SYNC: variants seen among roughly 807,000 people sequenced by gnomAD.
SYNC encodes the protein syncoilin.
SYNC carries 38 observed loss-of-function variants against 49.5 expected under a neutral mutation model. The observed-to-expected ratio is 0.77, with a 90% CI of 0.59 to 1.01. The LOEUF is 1.01. Ranked by LOEUF, SYNC falls within the 50% of genes least tolerant of loss-of-function variation. The pLI is 0.00. For synonymous variants in SYNC, 201 were observed against 230.8 expected, an observed-to-expected ratio of 0.87 and a Z score of 1.17; for missense variants, 579 against 580.6, an observed-to-expected ratio of 1.00 and a Z score of 0.03.
At chr1:32,688,188 TCAAG>T (rs1459151442) in intron 2 of SYNC, among the ~76,000 whole-genome samples, 1 of 152,108 alleles carries the variant, frequency 6.6e-6, no homozygotes, top group East Asian at 1.9e-4. Flanking sequence ...GAGTATGGAC[TCAAG>T]CTAGATTGTT....
At chr1:32,691,502 G>A (rs146388236) in intron 2 of SYNC, among the ~76,000 whole-genome samples, 2,185 of 149,184 alleles carry the variant, frequency 0.015, 35 homozygotes, top group African/African-American at 0.036. Context: ...GCAGCAAGGC[G>A]AGATCGTGCC....
chr1:32,698,401 C>T (rs1474880479), intron 1 of SYNC, among the ~76,000 whole-genome samples: 1 of 152,064 alleles, frequency 6.6e-6, no homozygotes, highest in Non-Finnish European at 1.5e-5. Context: ...CACCTGTAGT[C>T]CCAGCTACTC....
At chr1:32,682,001 T>C in intron 4 of SYNC, 141 bp from the exon 5 acceptor site, 1 of 705,728 alleles carries the variant, frequency 1.4e-6, no homozygotes, top group Non-Finnish European at 2.5e-6. Context: ...GGATGCCTCC[T>C]GTTTGTCAAA....
At chr1:32,689,001 C>T (rs2148552640) in intron 2 of SYNC, among the ~76,000 whole-genome samples, 1 of 151,828 alleles carries the variant, frequency 6.6e-6, no homozygotes, top group East Asian at 2.0e-4. Context: ...TGCAGTGGCG[C>T]AGTCTCGGCT....
intron 1 of SYNC, among the ~76,000 whole-genome samples, chr1:32,697,116 C>G (rs1650467202): frequency 6.6e-6 from 1 of 152,056 alleles, no homozygotes; most frequent in African/African-American, 2.4e-5. Context: ...TTTCTACCTT[C>G]TTTTCTGTGT....
rs940948535 is a variant in SYNC, at chr1:32,695,134, G to A, written c.964C>T (p.Arg322Trp). The change falls in exon 2 of 5, where the codon CGG (arginine) becomes TGG (tryptophan). Residue 322 changes from arginine to tryptophan, a missense_variant. Physicochemically the swap from Arg to Trp is moderately radical, Grantham distance 101. Coordinates refer to ENST00000409190, the MANE Select transcript of SYNC (RefSeq NM_030786.3). ...QRDGHFLQES[R>W]RLSAQFENLM... ...TTTTCAAACTGGGCAGAGAGTCGCC[G>A]GCTTTCCTGGAGAAAGTGCCCATCC... 6.8e-6 allele frequency: 11 copies of A among 1,607,970 alleles called. No individual in the cohort carries two copies. Among genetic ancestry groups the A allele is most frequent in the Admixed American group, 5.1e-5 (3 of 58,710 alleles).
At chr1:32,698,288 G>T (rs1242789524) in intron 1 of SYNC, among the ~76,000 whole-genome samples, 2 of 151,668 alleles carry the variant, frequency 1.3e-5, no homozygotes. Context: ...GGAGGCTGAG[G>T]CAGGCGGATC....
chr1:32,699,022 C>T (rs994987974), intron 1 of SYNC, among the ~76,000 whole-genome samples: 24 of 152,012 alleles, frequency 1.6e-4, no homozygotes, highest in Non-Finnish European at 5.9e-5. Context: ...TCAAGCGATC[C>T]TCCTACCTAG....
chr1:32,687,864 T>TTATTATTATTATTATTATTATTA (rs1557871719), intron 2 of SYNC, among the ~76,000 whole-genome samples: 8 of 3,728 alleles, frequency 2.1e-3, no homozygotes, highest in African/African-American at 3.1e-3. Flanking sequence ...TATTATTATT[T>TTATTATTATTATTATTATTATTA]TTTGAGATGG....
At position 32,702,424 on chromosome 1, in the gene SYNC, G is replaced by A. The variant is rs908771244; in HGVS notation, c.53+184C>T. Among the ~76,000 whole-genome samples, 1 of 152,182 alleles carries A rather than the reference G, an allele frequency of 6.6e-6. No homozygotes were observed. The highest frequency in any genetic ancestry group is 6.5e-5 in the Admixed American group (1 of 15,284). ...TATAAAAAGCCACAGACAAACGGAG[G>A]TGCCAGGACCCCGGGACGGCCCGAC... On this transcript the variant is annotated intron_variant, in intron 1 of 4. Coordinates refer to ENST00000409190, the MANE Select transcript of SYNC (RefSeq NM_030786.3). The surrounding 1 kb of genome is among the most constrained non-coding windows in gnomAD (Gnocchi z 6.2).
chr1:32,684,415 G>A (rs1393008160), intron 2 of SYNC, 33 bp from the exon 3 acceptor site: 1 of 1,613,222 alleles, frequency 6.2e-7, no homozygotes, highest in Admixed American at 1.7e-5. Flanking sequence ...TTTCTAATGA[G>A]CCAAACAATA....
At chr1:32,691,998 C>T (rs1489634733) in intron 2 of SYNC, among the ~76,000 whole-genome samples, 1 of 151,990 alleles carries the variant, frequency 6.6e-6, no homozygotes, top group Non-Finnish European at 1.5e-5. Flanking sequence ...CTTTGAGAGG[C>T]GAGGCGGGCG....
At position 32,700,500 on chromosome 1, in the gene SYNC, A is replaced by G. The variant is rs1650623570; in HGVS notation, c.53+2108T>C. Among the ~76,000 whole-genome samples the G allele has an allele frequency of 2.6e-5, 4 of 152,186 alleles. No homozygotes were observed. The South Asian group carries it at 8.3e-4, about 32-fold the overall frequency. ...CACCTGAGGTCAGGAGTTTGAGACC[A>G]GCCTGGCCAACATGGTGAAACTCCG... On this transcript the variant is annotated intron_variant, in intron 1 of 4. Transcript: ENST00000409190.
intron 2 of SYNC, among the ~76,000 whole-genome samples, chr1:32,694,435 C>T (rs1004984414): frequency 5.3e-5 from 8 of 152,108 alleles, no homozygotes; most frequent in Admixed American, 3.3e-4. Context: ...AGGCGGATCA[C>T]GAGGTCAGGA....
intron 2 of SYNC, chr1:32,685,563 C>G (rs1391278394): frequency 6.6e-6 from 1 of 152,182 alleles, no homozygotes; most frequent in Non-Finnish European, 1.5e-5. Flanking sequence ...GTACCTGTGG[C>G]ACATCAATCC....
Position 32,695,845 on chromosome 1 carries a change from T to A in SYNC, c.253A>T (p.Ile85Phe), listed in dbSNP as rs1448666452. 7 of 1,551,810 alleles carry A rather than the reference T, an allele frequency of 4.5e-6. No homozygotes were observed. The highest frequency in any genetic ancestry group is 6.1e-6 in the Non-Finnish European group (7 of 1,147,046). The change falls in exon 2 of 5, where the codon ATT becomes TTT. Residue 85 changes from isoleucine to phenylalanine, a missense_variant. Ile to Phe is a conservative substitution (Grantham distance 21). Coordinates refer to ENST00000409190, the MANE Select transcript of SYNC (RefSeq NM_030786.3). ...TCATCTGGCTGCATGGCCTCCTCAA[T>A]ATACAGGGCCTCCTCTGCCTTCTCA... ...ETEKAEEALY[I>F]EEAMQPDEAL...
At chr1:32,687,843 A>ATTATTATTATTATTATTAT (rs1649945904) in intron 2 of SYNC, among the ~76,000 whole-genome samples, 3 of 29,594 alleles carry the variant, frequency 1.0e-4, no homozygotes, top group Admixed American at 9.2e-4. Flanking sequence ...AATTATTATT[A>ATTATTATTATTATTATTAT]TTATTATTAT....
At chr1:32,686,378 C>T (rs1649830772) in intron 2 of SYNC, among the ~76,000 whole-genome samples, 1 of 152,172 alleles carries the variant, frequency 6.6e-6, no homozygotes, top group Admixed American at 6.5e-5. Context: ...TTTCTGCTGC[C>T]TTCTACCTAG....
intron 3 of SYNC, 59 bp downstream of exon 3, chr1:32,684,199 C>T: frequency 6.2e-7 from 1 of 1,608,606 alleles, no homozygotes; most frequent in Admixed American, 1.7e-5. Context: ...TTTCCCTAAG[C>T]CCTCCCACCA....
Sources: gnomAD v4.1 joint callset for allele counts (sites outside exome capture counted in the v4.1 genomes callset) on GRCh38, gnomAD v4.1.1 for gene constraint, Gnocchi (gnomAD v3.1) non-coding constraint, MANE v1.5 for transcripts, NCBI Gene and HGNC (gene_info 2026-07-23, HGNC 2026-07-21) for gene names.